Variants in GLOD4 observed in about 807,000 individuals in gnomAD.
GLOD4 encodes glyoxalase domain-containing protein 4.
In GLOD4, 44 loss-of-function variants were observed where a neutral mutation model predicts 39.1. The observed-to-expected ratio is 1.13, with a 90% CI of 0.88 to 1.45. The LOEUF is 1.45. Among genes scored for constraint, GLOD4 ranks in the 40% most tolerant of loss-of-function variants. GLOD4 has a pLI of 0.00. For synonymous variants in GLOD4, 145 were observed against 135.0 expected (o/e 1.07, Z -0.52); for missense variants, 405 against 366.4 (o/e 1.11, Z -0.86).
chr17:782,557 A>G, upstream of GLOD4: 3 of 1,614,064 alleles, frequency 1.9e-6, no homozygotes, highest in Non-Finnish European at 2.5e-6. Flanking sequence ...CAGCCCCGCA[A>G]GGCACCATCT....
chr17:776,677 G>A (rs1035247964), intron 3 of GLOD4, among the ~76,000 whole-genome samples, 191 bp downstream of exon 3: 6 of 152,128 alleles, frequency 3.9e-5, no homozygotes, highest in African/African-American at 1.4e-4. Context: ...GTTACCTGAC[G>A]GCTCTTGCCA....
rs1159133945 is a variant in GLOD4 at position 765,372 on chromosome 17, GT to G, written c.831+4496del. 3 of 150,930 alleles carry G rather than the reference GT, an allele frequency of 2.0e-5. 1 individual carries two copies. The highest frequency in any genetic ancestry group is 4.4e-5 in the Non-Finnish European group (3 of 67,984). 9.3% of individuals were successfully genotyped at this position (150,930 alleles called of 1,614,324 possible). On this transcript the variant is annotated intron_variant, in intron 8 of 8. Transcript: ENST00000301329. ...AGGCTGGAGCCAGGATGATGGTTAC[GT>G]TCAGGGCAGAGGTAAGGAGAGGTCG...
At chr17:762,007 C>CA (rs1482174290) in intron 8 of GLOD4, among the ~76,000 whole-genome samples, 1 of 152,146 alleles carries the variant, frequency 6.6e-6, no homozygotes, top group Non-Finnish European at 1.5e-5. Context: ...CATGCTCTGT[C>CA]AGAGAGTTTG....
At chr17:777,675 A>C (rs528513425) in intron 2 of GLOD4, 2 of 152,344 alleles carry the variant, frequency 1.3e-5, no homozygotes, top group East Asian at 3.9e-4. Context: ...CCGCTGCTTC[A>C]TCTAGAGCAT....
chr17:783,857 CCTT>C (rs1217758500), upstream of GLOD4, among the ~76,000 whole-genome samples: 2 of 152,140 alleles, frequency 1.3e-5, no homozygotes, highest in African/African-American at 2.4e-5. Flanking sequence ...ATTCCTCAAA[CCTT>C]CTATTTTTTA....
chr17:759,411 C>G lies in GLOD4; in HGVS notation c.*762G>C, dbSNP rs1317115620. The G allele has an allele frequency of 6.6e-6, 1 of 151,946 alleles. No homozygotes were observed. Among genetic ancestry groups the G allele is most frequent in the Non-Finnish European group, 1.5e-5 (1 of 67,998 alleles). The allele number at this position is 151,946 out of a possible 1,614,324, so 9.4% of individuals were successfully genotyped here. On this transcript the variant is annotated 3_prime_UTR_variant, in exon 9 of 9. Coordinates refer to ENST00000301329, the MANE Select transcript of GLOD4 (RefSeq NM_016080.4). ...TTAAAACCTATTTGTTGTTTAGAAC[C>G]AAACAAAACTACAAGAAAACATTTT...
intron 8 of GLOD4, among the ~76,000 whole-genome samples, chr17:762,218 T>C (rs577197329): frequency 6.6e-6 from 1 of 152,212 alleles, no homozygotes; most frequent in Admixed American, 6.5e-5. Context: ...GAAATAATGG[T>C]CAAAAGTGAC....
chr17:772,701 G>A (rs962938074), intron 4 of GLOD4, among the ~76,000 whole-genome samples: 1 of 152,022 alleles, frequency 6.6e-6, no homozygotes. Flanking sequence ...AATAACATAC[G>A]AAAAAATATT....
intron 1 of GLOD4, 189 bp from the exon 2 acceptor site, chr17:778,933 G>T: frequency 1.7e-6 from 1 of 576,690 alleles, no homozygotes; most frequent in Non-Finnish European, 3.1e-6. Flanking sequence ...TGACACCAAG[G>T]GTCAGGCTAC....
At chr17:784,911 T>C (rs1910464505), upstream of GLOD4, among the ~76,000 whole-genome samples, 2 of 152,216 alleles carry the variant, frequency 1.3e-5, no homozygotes, top group Non-Finnish European at 2.9e-5. Flanking sequence ...TTCCATTGCC[T>C]TCAGTGGTGG....
At chr17:783,153 AG>A, upstream of GLOD4, 1 of 1,614,104 alleles carries the variant, frequency 6.2e-7, no homozygotes, top group Non-Finnish European at 8.5e-7. Flanking sequence ...GGAAGGTCGC[AG>A]GCTCATTTCA....
intron 5 of GLOD4, 67 bp downstream of exon 5, chr17:771,252 TATAAGC>T (rs1907899756): frequency 1.1e-6 from 1 of 895,260 alleles, no homozygotes; most frequent in Admixed American, 2.4e-5. Flanking sequence ...TTATAAAGGT[TATAAGC>T]CATTTATAAG....
At chr17:782,757 ACCT>A (rs1910207834), upstream of GLOD4, 31 of 1,492,820 alleles carry the variant, frequency 2.1e-5, no homozygotes, top group Non-Finnish European at 2.6e-5. Flanking sequence ...CGGAACCTTA[ACCT>A]CCTTCCGATG....
chr17:772,685 T>C (rs927433998), intron 4 of GLOD4, among the ~76,000 whole-genome samples: 1 of 152,110 alleles, frequency 6.6e-6, no homozygotes, highest in Non-Finnish European at 1.5e-5. Flanking sequence ...GGAATTAGAA[T>C]GGTCAAATAA....
At chr17:772,187 G>GAAAAAAAAAAAAAAA (rs58914913) in intron 4 of GLOD4, among the ~76,000 whole-genome samples, 1 of 50,856 alleles carries the variant, frequency 2.0e-5, no homozygotes, top group African/African-American at 8.5e-5. Context: ...ACCCTATCTC[G>GAAAAAAAAAAAAAAA]AAAAAAAAAA....
intron 8 of GLOD4, among the ~76,000 whole-genome samples, chr17:762,162 T>C: frequency 6.6e-6 from 1 of 152,210 alleles, no homozygotes; most frequent in East Asian, 1.9e-4. Context: ...GAGGTAGAAC[T>C]CACAGCTCTT....
intron 1 of GLOD4, among the ~76,000 whole-genome samples, chr17:779,268 C>T (rs1909454969): frequency 7.6e-6 from 1 of 132,112 alleles, no homozygotes; most frequent in South Asian, 2.5e-4. Context: ...GAGCCGAGAT[C>T]GTGCCCCTGC....
chr17:784,140 C>CA (rs1381067046), upstream of GLOD4, among the ~76,000 whole-genome samples: 7 of 152,320 alleles, frequency 4.6e-5, no homozygotes, highest in South Asian at 2.1e-4. Context: ...TTAGCAGTTA[C>CA]AAAGTCTTTG....
chr17:776,938 T>A lies in GLOD4; in HGVS notation c.191A>T (p.Asp64Val). The A allele has an allele frequency of 6.2e-7, 1 of 1,607,436 alleles. No homozygotes were observed. The highest frequency in any genetic ancestry group is 8.5e-7 in the Non-Finnish European group (1 of 1,173,872). The change falls in exon 3 of 9, where the codon GAT (aspartate) becomes GTT (valine). Residue 64 changes from aspartate (D) to valine (V), a missense_variant. Transcript: ENST00000301329. ...AGTCAGTTCTGCGACAAAATGATCA[T>A]CCTCAGGCCCAAATCCCACCATTGT... Reference protein sequence around the residue: ...SKTMVGFGPEDDHFVAELTYN... With the variant: ...SKTMVGFGPEVDHFVAELTYN...
Sources: gnomAD v4.1 joint callset for allele counts (sites outside exome capture counted in the v4.1 genomes callset) on GRCh38, gnomAD v4.1.1 for gene constraint, MANE v1.5 for transcripts, NCBI Gene and HGNC (gene_info 2026-07-23, HGNC 2026-07-21) for gene names.